CTNNA2: variants seen among roughly 807,000 people sequenced by gnomAD.
The protein encoded by CTNNA2 is catenin alpha-2.
Under a neutral mutation model 101.0 loss-of-function variants are expected in CTNNA2, and 42 were observed. The ratio of observed to expected loss-of-function variants is 0.42; its 90% CI spans 0.32 to 0.54. The LOEUF is 0.54. Among genes scored for constraint, CTNNA2 ranks in the 20% least tolerant of loss-of-function variants. The pLI, the probability that CTNNA2 is intolerant of heterozygous loss-of-function variation, is 0.14. For missense variants in CTNNA2, 871 were observed against 1,223.1 expected (o/e 0.71, Z 4.29); for synonymous variants, 450 against 456.4 (o/e 0.99, Z 0.18).
chr2:80,539,364 TTGTTAA>T (rs1691337931), intron 9 of CTNNA2, among the ~76,000 whole-genome samples: 1 of 150,594 alleles, frequency 6.6e-6, no homozygotes, highest in Non-Finnish European at 1.5e-5. Flanking sequence ...GCTAATGATA[TTGTTAA>T]TGTTAAGTAT....
intron 4 of CTNNA2, among the ~76,000 whole-genome samples, chr2:79,378,192 G>C (rs775754599): frequency 6.6e-6 from 1 of 151,954 alleles, no homozygotes; most frequent in African/African-American, 2.4e-5. Context: ...GACATAAAAA[G>C]TTCCCATTTT....
At chr2:80,018,316 T>A (rs541055718) in intron 7 of CTNNA2, among the ~76,000 whole-genome samples, 1 of 152,296 alleles carries the variant, frequency 6.6e-6, no homozygotes, top group Non-Finnish European at 1.5e-5. Flanking sequence ...AGCCTGTTAC[T>A]TTGTTTTTGT....
intron 9 of CTNNA2, among the ~76,000 whole-genome samples, chr2:80,428,489 A>G (rs1308374530): frequency 6.6e-6 from 1 of 152,170 alleles, no homozygotes; most frequent in Non-Finnish European, 1.5e-5. Flanking sequence ...TTGAGCTGAG[A>G]TATTGGATGT....
chr2:80,553,165 G>A (rs1048163999), intron 11 of CTNNA2, among the ~76,000 whole-genome samples: 12 of 151,222 alleles, frequency 7.9e-5, no homozygotes, highest in Admixed American at 6.6e-5. Flanking sequence ...CTGAGGTTGT[G>A]GTGAGCTGGG....
chr2:79,619,470 G>A (rs1488816780), intron 1 of CTNNA2, among the ~76,000 whole-genome samples: 1 of 152,192 alleles, frequency 6.6e-6, no homozygotes, highest in East Asian at 1.9e-4. Context: ...GGGCCCTGCT[G>A]ACATTATTTA....
At chr2:79,221,016 A>C (rs1396236380) in intron 2 of CTNNA2, among the ~76,000 whole-genome samples, 2 of 152,260 alleles carry the variant, frequency 1.3e-5, no homozygotes, top group Non-Finnish European at 2.9e-5. Flanking sequence ...TTGTTAACTC[A>C]GCAGTGACTT....
intron 7 of CTNNA2, among the ~76,000 whole-genome samples, chr2:79,956,416 G>A (rs1005320860): frequency 1.3e-5 from 2 of 152,094 alleles, no homozygotes; most frequent in Non-Finnish European, 2.9e-5. Context: ...ACAGTATATT[G>A]AAAGCTGATG....
chr2:79,730,765 G>C (rs1052557382), intron 2 of CTNNA2, among the ~76,000 whole-genome samples: 2 of 151,884 alleles, frequency 1.3e-5, no homozygotes, highest in Admixed American at 6.6e-5. Flanking sequence ...TCAAGGTAGA[G>C]TGTACTCACA....
At chr2:79,794,166 A>G (rs1359295614) in intron 3 of CTNNA2, among the ~76,000 whole-genome samples, 1 of 152,206 alleles carries the variant, frequency 6.6e-6, no homozygotes, top group African/African-American at 2.4e-5. Context: ...AGAAGAGGAA[A>G]GAATGAGAAG....
At chr2:79,401,972 G>A (rs1678294643) in intron 4 of CTNNA2, among the ~76,000 whole-genome samples, 1 of 151,538 alleles carries the variant, frequency 6.6e-6, no homozygotes, top group African/African-American at 2.4e-5. Context: ...TAGGAAAAAA[G>A]ATATATGATT....
At chr2:80,464,291 A>G (rs1395768793) in intron 9 of CTNNA2, among the ~76,000 whole-genome samples, 1 of 152,158 alleles carries the variant, frequency 6.6e-6, no homozygotes, top group African/African-American at 2.4e-5. Flanking sequence ...CAAATAATTT[A>G]CGGGTTCTTG....
intron 2 of CTNNA2, among the ~76,000 whole-genome samples, chr2:79,217,320 C>T (rs1378472625): frequency 6.6e-6 from 1 of 152,124 alleles, no homozygotes; most frequent in Non-Finnish European, 1.5e-5. Context: ...CATGTGAGTC[C>T]GTGTGAAGAG....
intron 9 of CTNNA2, among the ~76,000 whole-genome samples, chr2:80,515,807 G>A (rs1009285091): frequency 2.6e-5 from 4 of 152,170 alleles, no homozygotes; most frequent in East Asian, 3.8e-4. Context: ...GGCTTCAGCC[G>A]AAATCAATTG....
chr2:80,369,111 C>A (rs950647980), intron 7 of CTNNA2, among the ~76,000 whole-genome samples: 1 of 151,982 alleles, frequency 6.6e-6, no homozygotes, highest in Non-Finnish European at 1.5e-5. Context: ...TCCTACAACC[C>A]CCTTCCTCAA....
At chr2:79,924,439 G>T (rs560194705) in intron 7 of CTNNA2, among the ~76,000 whole-genome samples, 1 of 152,090 alleles carries the variant, frequency 6.6e-6, no homozygotes, top group African/African-American at 2.4e-5. Flanking sequence ...TGTTGTCTTT[G>T]TCCTTAGAAT....
chr2:79,829,407 ACACACAC>A (rs1678709913), intron 3 of CTNNA2, among the ~76,000 whole-genome samples: 1 of 139,494 alleles, frequency 7.2e-6, no homozygotes, highest in Non-Finnish European at 1.6e-5. Flanking sequence ...ACACACACAC[ACACACAC>A]AGACACAAAG....
intron 7 of CTNNA2, among the ~76,000 whole-genome samples, chr2:80,185,795 G>A (rs375790858): frequency 1.3e-5 from 2 of 152,290 alleles, no homozygotes; most frequent in South Asian, 2.1e-4. Context: ...ATTGCCATTG[G>A]CTGCAGAACC....
At chr2:80,333,647 TG>T (rs924866882) in intron 7 of CTNNA2, among the ~76,000 whole-genome samples, 6 of 151,242 alleles carry the variant, frequency 4.0e-5, no homozygotes, top group African/African-American at 1.2e-4. Context: ...GGGGAGGTGG[TG>T]GGGGGGATGG....
chr2:79,747,890 T>A (rs763647423), intron 3 of CTNNA2, among the ~76,000 whole-genome samples: 12 of 150,418 alleles, frequency 8.0e-5, no homozygotes, highest in Non-Finnish European at 1.8e-4. Context: ...CACGTGCTCC[T>A]TCTCTTGAAC....
Sources: gnomAD v4.1 joint callset for allele counts (sites outside exome capture counted in the v4.1 genomes callset) on GRCh38, gnomAD v4.1.1 for gene constraint, MANE v1.5 for transcripts, NCBI Gene and HGNC (gene_info 2026-07-23, HGNC 2026-07-21) for gene names.